The following PTPRN2 variants were observed in gnomAD, a reference collection of about 807,000 sequenced individuals.
PTPRN2 encodes protein tyrosine phosphatase receptor type N2.
PTPRN2 carries 74 observed loss-of-function variants against 118.8 expected under a neutral mutation model. The ratio of observed to expected loss-of-function variants is 0.62; its 90% CI spans 0.52 to 0.76. The LOEUF (loss-of-function observed/expected upper bound fraction) is 0.76, where lower values mean the gene tolerates loss of function less well. Ranked by LOEUF, PTPRN2 falls within the 30% of genes least tolerant of loss-of-function variation. The pLI, the probability that PTPRN2 is intolerant of heterozygous loss-of-function variation, is 0.00. For missense variants in PTPRN2, 1,481 were observed against 1,394.4 expected, an observed-to-expected ratio of 1.06 and a Z score of -0.99; for synonymous variants, 641 against 608.0, an observed-to-expected ratio of 1.05 and a Z score of -0.80.
chr7:158,321,294 A>G (rs895372950), intron 2 of PTPRN2, among the ~76,000 whole-genome samples: 4 of 152,130 alleles, frequency 2.6e-5, no homozygotes, highest in Non-Finnish European at 5.9e-5. Flanking sequence ...CAGAGCCCGT[A>G]ACCCTCAGGC....
At chr7:157,562,203 G>A (rs1563214856) in intron 21 of PTPRN2, among the ~76,000 whole-genome samples, 1 of 152,204 alleles carries the variant, frequency 6.6e-6, no homozygotes, top group Non-Finnish European at 1.5e-5. Flanking sequence ...CTCCAGGGCC[G>A]AGGCAGGCAC....
chr7:158,053,768 AC>A (rs1809516556), intron 11 of PTPRN2, among the ~76,000 whole-genome samples: 1 of 150,714 alleles, frequency 6.6e-6, no homozygotes, highest in African/African-American at 2.5e-5. Flanking sequence ...AGACGCAGAG[AC>A]CCCAGAAATG....
At chr7:158,251,437 A>G (rs1309131443) in intron 3 of PTPRN2, among the ~76,000 whole-genome samples, 1 of 151,578 alleles carries the variant, frequency 6.6e-6, no homozygotes, top group Non-Finnish European at 1.5e-5. Flanking sequence ...ATGGATGTAT[A>G]TGGTGCATGT....
rs117640397 is a variant in PTPRN2, at chr7:158,359,419, A to G, written c.164-42487T>C. The stretch of plus-strand genomic sequence containing the variant: ...CAGTCACAAAGGAAAGGTGGTCCTC[A>G]GTGCCACCCAGGCACTCCGCTCGGC... On this transcript the variant is annotated intron_variant, in intron 2 of 22. Transcript: ENST00000389418. Among the ~76,000 whole-genome samples, 1,311 of 152,272 alleles carry G rather than the reference A, an allele frequency of 8.6e-3. 9 individuals carry two copies. The highest frequency in any genetic ancestry group is 0.013 in the Non-Finnish European group (861 of 68,008).
At chr7:157,865,327 T>G (rs776925254) in intron 12 of PTPRN2, 7 of 152,238 alleles carry the variant, frequency 4.6e-5, no homozygotes, top group Non-Finnish European at 8.8e-5. Flanking sequence ...CTGGTTCATG[T>G]CCACTTGTTT....
intron 13 of PTPRN2, among the ~76,000 whole-genome samples, chr7:157,675,429 G>A (rs1373001253): frequency 6.6e-6 from 1 of 152,308 alleles, no homozygotes; most frequent in East Asian, 1.9e-4. Context: ...GGCTCACCCG[G>A]GCGCCTTCTC....
At chr7:158,057,725 C>T (rs892650043) in intron 11 of PTPRN2, among the ~76,000 whole-genome samples, 1 of 152,142 alleles carries the variant, frequency 6.6e-6, no homozygotes, top group African/African-American at 2.4e-5. Flanking sequence ...GCCTCAGCAT[C>T]CCCGCCACTC....
intron 11 of PTPRN2, among the ~76,000 whole-genome samples, chr7:157,957,281 A>G (rs1041811815): frequency 2.6e-5 from 4 of 152,298 alleles, no homozygotes; most frequent in Non-Finnish European, 4.4e-5. Context: ...GCAACAGTGC[A>G]TCCTAACTGT....
At position 157,986,283 on chromosome 7, in the gene PTPRN2, C is replaced by G. The variant is rs1426213015; in HGVS notation, c.1724-87546G>C. 6.6e-6 allele frequency among the ~76,000 whole-genome samples: 1 copy of G among 152,178 alleles called. No homozygotes were observed. Among genetic ancestry groups the G allele is most frequent in the Non-Finnish European group, 1.5e-5 (1 of 68,042 alleles). On this transcript the variant is annotated intron_variant, in intron 11 of 22. Transcript: ENST00000389418. The surrounding 1 kb of genome is among the most constrained non-coding windows in gnomAD (Gnocchi z 4.5). ...AACGTGAAGGCTCCACCACTAGGAC[C>G]CAGGCAAGACTGCCAAGCGGATGAG... is the stretch of plus-strand genomic sequence containing the variant.
At chr7:157,822,179 T>C (rs1263775799) in intron 12 of PTPRN2, among the ~76,000 whole-genome samples, 2 of 151,706 alleles carry the variant, frequency 1.3e-5, no homozygotes, top group East Asian at 3.9e-4. Flanking sequence ...CTATCCATCA[T>C]CCATCCAAAT....
chr7:158,219,735 G>C (rs930851512), intron 3 of PTPRN2, among the ~76,000 whole-genome samples: 1 of 151,804 alleles, frequency 6.6e-6, no homozygotes, highest in Non-Finnish European at 1.5e-5. Flanking sequence ...AAACCTTTTA[G>C]GTTTTCTGGG....
At chr7:158,211,607 A>G (rs780621937) in intron 3 of PTPRN2, among the ~76,000 whole-genome samples, 3 of 152,236 alleles carry the variant, frequency 2.0e-5, no homozygotes, top group Admixed American at 1.3e-4. Context: ...AAACAGGCGT[A>G]TGAAAAGGTG....
intron 14 of PTPRN2, among the ~76,000 whole-genome samples, chr7:157,645,627 G>C (rs1254606006): frequency 6.6e-6 from 1 of 152,244 alleles, no homozygotes; most frequent in Non-Finnish European, 1.5e-5. Flanking sequence ...ACATATGGCT[G>C]TTAGGAGGGT....
rs150879508 is a variant in PTPRN2, at chr7:158,571,939, GTTA to G, written c.112+15616_112+15618del. 5.1e-3 allele frequency among the ~76,000 whole-genome samples: 782 copies of G among 152,288 alleles called. 9 individuals carry two copies. Among genetic ancestry groups the G allele is most frequent in the African/African-American group, 0.017 (724 of 41,558 alleles). ...TATACAACATGGAAAATTCTCTAGA[GTTA>G]TTAAGTGAATTAACCTCATGAAATT... On this transcript the variant is annotated intron_variant, in intron 1 of 22. Coordinates refer to ENST00000389418, the MANE Select transcript of PTPRN2 (RefSeq NM_002847.5).
intron 11 of PTPRN2, among the ~76,000 whole-genome samples, chr7:157,908,851 A>G (rs529241770): frequency 4.7e-4 from 71 of 152,036 alleles, no homozygotes; most frequent in African/African-American, 1.7e-3. Flanking sequence ...TTTTGAAGAA[A>G]AATAGCTTTT....
rs201711369 is a variant in PTPRN2 at position 157,744,461 on chromosome 7, C to G, written c.1789-61524G>C. 2.6e-5 allele frequency among the ~76,000 whole-genome samples: 4 copies of G among 152,186 alleles called. No individual in the cohort carries two copies. In the East Asian group the frequency reaches 7.7e-4, roughly 29 times the overall value. On this transcript the variant is annotated intron_variant, in intron 12 of 22. Transcript: ENST00000389418. ...GCCGTCCATTACACAACGATGGAAT[C>G]TGCTCTGGGAAGAATAAATGGCTCT...
At chr7:158,277,125 G>A (rs1459590270) in intron 3 of PTPRN2, among the ~76,000 whole-genome samples, 7 of 148,644 alleles carry the variant, frequency 4.7e-5, no homozygotes, top group African/African-American at 9.7e-5. Flanking sequence ...ACACACACAC[G>A]TGCCCGCACA....
chr7:157,599,785 C>T (rs545110381), intron 16 of PTPRN2, among the ~76,000 whole-genome samples: 2 of 152,302 alleles, frequency 1.3e-5, no homozygotes, highest in South Asian at 4.1e-4. Context: ...CGTCTTTACT[C>T]TGAAATCTTG....
chr7:158,047,793 G>A (rs1231233926), intron 11 of PTPRN2, among the ~76,000 whole-genome samples: 2 of 152,234 alleles, frequency 1.3e-5, no homozygotes, highest in African/African-American at 4.8e-5. Flanking sequence ...GGGTTGCACA[G>A]CAAAGCACAG....
Sources: allele counts gnomAD v4.1 joint callset (sites outside exome capture counted in the v4.1 genomes callset), GRCh38; gene constraint gnomAD v4.1.1; non-coding constraint Gnocchi (gnomAD v3.1); transcripts MANE v1.5; gene names NCBI Gene and HGNC (gene_info 2026-07-23, HGNC 2026-07-21).